Variants in BID observed in about 807,000 individuals in gnomAD.
BID encodes BH3 interacting domain death agonist.
Under a neutral mutation model 17.4 loss-of-function variants are expected in BID, and 19 were observed. The observed-to-expected ratio is 1.09, with a 90% CI of 0.76 to 1.60. The LOEUF is 1.60. Among genes scored for constraint, BID ranks in the 40% most tolerant of loss-of-function variants. The pLI is 0.00. For missense variants in BID, 226 were observed against 256.0 expected (o/e 0.88, Z 0.80); for synonymous variants, 108 against 102.8 (o/e 1.05, Z -0.31).
chr22:17,760,771 G>T (rs2061632422), intron 1 of BID, among the ~76,000 whole-genome samples: 1 of 152,184 alleles, frequency 6.6e-6, no homozygotes, highest in Non-Finnish European at 1.5e-5. Flanking sequence ...ACTGGTGAAA[G>T]CACCAGGCAA....
chr22:17,754,441 C>T (rs949433886), intron 1 of BID, among the ~76,000 whole-genome samples: 3 of 152,260 alleles, frequency 2.0e-5, no homozygotes, highest in South Asian at 2.1e-4. Flanking sequence ...GGGGCAGCTT[C>T]GCTGCTGCTG....
chr22:17,753,483 C>T (rs1007712835), intron 1 of BID, among the ~76,000 whole-genome samples: 2 of 152,206 alleles, frequency 1.3e-5, no homozygotes, highest in African/African-American at 4.8e-5. Flanking sequence ...GAGTGGCATT[C>T]CTAGGCCTGG....
At chr22:17,739,326 G>A (rs779983211) in intron 4 of BID, 23 bp downstream of exon 4, 7 of 1,550,586 alleles carry the variant, frequency 4.5e-6, no homozygotes, top group East Asian at 2.3e-5. Context: ...GCCCGCCCAC[G>A]CGGTCCTCAG....
At chr22:17,759,501 G>A (rs555067850) in intron 1 of BID, among the ~76,000 whole-genome samples, 2 of 151,988 alleles carry the variant, frequency 1.3e-5, no homozygotes, top group East Asian at 1.9e-4. Context: ...GCAGTGAGCC[G>A]AGATCATGCC....
At chr22:17,756,467 CTTT>C (rs2061589294) in intron 1 of BID, among the ~76,000 whole-genome samples, 6 of 106,974 alleles carry the variant, frequency 5.6e-5, no homozygotes, top group African/African-American at 1.9e-4. Flanking sequence ...TTCTTTCTTT[CTTT>C]CTTTCTTTTC....
intron 3 of BID, among the ~76,000 whole-genome samples, chr22:17,743,153 G>A (rs2145879622): frequency 6.6e-6 from 1 of 152,382 alleles, no homozygotes; most frequent in South Asian, 2.1e-4. Flanking sequence ...AAATACTTCT[G>A]TGTTCTTGTA....
rs5747355 is a variant in BID at position 17,772,985 on chromosome 22, G to A, written c.-59+1396C>T. Among the ~76,000 whole-genome samples, 201 of 152,206 alleles carry A rather than the reference G, an allele frequency of 1.3e-3. 7 individuals carry two copies. In the East Asian group the frequency reaches 0.033, roughly 25 times the overall value. The stretch of plus-strand genomic sequence containing the variant: ...CAGCACCTCGCCCCAGCCACGGCAG[G>A]TCTCTGCACCCCTCGTCTCAGTCAC... On this transcript the variant is annotated intron_variant, in intron 1 of 5. Transcript: ENST00000622694.
chr22:17,752,391 C>G (rs1056239495), intron 1 of BID, among the ~76,000 whole-genome samples: 1 of 152,164 alleles, frequency 6.6e-6, no homozygotes, highest in Non-Finnish European at 1.5e-5. Flanking sequence ...TGCTCAGGGC[C>G]GAAGTCCCAT....
chr22:17,757,975 C>T (rs753270900), intron 1 of BID, among the ~76,000 whole-genome samples: 4 of 152,222 alleles, frequency 2.6e-5, no homozygotes, highest in Non-Finnish European at 4.4e-5. Context: ...GCCAGTCAAT[C>T]AAGCCCTGGC....
chr22:17,743,216 T>C (rs2061473019), intron 3 of BID, among the ~76,000 whole-genome samples: 1 of 152,244 alleles, frequency 6.6e-6, no homozygotes, highest in Non-Finnish European at 1.5e-5. Flanking sequence ...GTATAGACAG[T>C]GCAAAAGTCA....
At chr22:17,752,097 A>T (rs909995255) in intron 1 of BID, among the ~76,000 whole-genome samples, 1 of 152,094 alleles carries the variant, frequency 6.6e-6, no homozygotes, top group Non-Finnish European at 1.5e-5. Flanking sequence ...GTCACCTCTG[A>T]GCTCGGGAGG....
At chr22:17,771,400 G>T (rs569598466) in intron 1 of BID, among the ~76,000 whole-genome samples, 11 of 152,136 alleles carry the variant, frequency 7.2e-5, no homozygotes, top group African/African-American at 2.7e-4. Flanking sequence ...CGCCCGGCTG[G>T]TCTTTCCCCT....
intron 1 of BID, among the ~76,000 whole-genome samples, chr22:17,754,116 G>C (rs2061563310): frequency 6.6e-6 from 1 of 151,614 alleles, no homozygotes; most frequent in Non-Finnish European, 1.5e-5. Flanking sequence ...TGCCAGATGG[G>C]GGTGACATTC....
rs1213965640 is a variant in BID at position 17,740,363 on chromosome 22, CA to C, written c.224-876del. 7 of 609,146 alleles carry C rather than the reference CA, an allele frequency of 1.1e-5. No individual in the cohort carries two copies. In the Admixed American group the frequency reaches 1.7e-4, roughly 15 times the overall value. 37.7% of individuals were successfully genotyped at this position (609,146 alleles called of 1,614,324 possible). A position where few individuals can be genotyped will look rare whatever the true frequency, so the allele number is the denominator to read the frequency against. On this transcript the variant is annotated intron_variant, in intron 3 of 5. Transcript: ENST00000622694. The stretch of plus-strand genomic sequence containing the variant: ...CTGAGGACAGAAGATTGCTTAAGGC[CA>C]GGAGTTAGAGGATGCAGTGAGCCGT...
chr22:17,773,458 A>C lies in BID; in HGVS notation c.-59+923T>G, dbSNP rs1001901456. The C allele has an allele frequency of 5.8e-5, 44 of 759,842 alleles. No homozygotes were observed. The highest frequency in any genetic ancestry group is 7.2e-4 in the Middle Eastern group (2 of 2,766). 47.1% of individuals were successfully genotyped at this position (759,842 alleles called of 1,614,324 possible). ...CAGCTCCCCCACAGTGAGAGCGAGG[A>C]CTGAGGGTGTGGATAAGGCTCCAGG... On this transcript the variant is annotated intron_variant, in intron 1 of 5. Coordinates refer to ENST00000622694, the MANE Select transcript of BID (RefSeq NM_001196.4). The surrounding 1 kb of genome is among the most constrained non-coding windows in gnomAD (Gnocchi z 4.4).
chr22:17,770,531 G>A (rs1341126787), intron 1 of BID, among the ~76,000 whole-genome samples: 1 of 152,240 alleles, frequency 6.6e-6, no homozygotes, highest in East Asian at 1.9e-4. Context: ...CAGAATGAAT[G>A]TGAGGAATAA....
At chr22:17,737,403 G>A (rs1436743820) in intron 5 of BID, among the ~76,000 whole-genome samples, 4 of 152,046 alleles carry the variant, frequency 2.6e-5, no homozygotes, top group Non-Finnish European at 5.9e-5. Context: ...CTAAAGTGCA[G>A]TGGTGCGATC....
At chr22:17,774,012 T>G in intron 1 of BID, 1 of 445,564 alleles carries the variant, frequency 2.2e-6, no homozygotes, top group Non-Finnish European at 4.1e-6. Flanking sequence ...CCCGCGGGTT[T>G]TCTCCTCTCC....
At chr22:17,754,195 G>C (rs1454049085) in intron 1 of BID, among the ~76,000 whole-genome samples, 1 of 151,636 alleles carries the variant, frequency 6.6e-6, no homozygotes, top group Admixed American at 6.6e-5. Flanking sequence ...GCCGGGCGGG[G>C]GTGACATTCC....
Sources: allele counts gnomAD v4.1 joint callset (sites outside exome capture counted in the v4.1 genomes callset), GRCh38; gene constraint gnomAD v4.1.1; non-coding constraint Gnocchi (gnomAD v3.1); transcripts MANE v1.5; gene names NCBI Gene and HGNC (gene_info 2026-07-23, HGNC 2026-07-21).